The following RAPGEF2 variants were observed in gnomAD, a reference collection of about 807,000 sequenced individuals.
RAPGEF2 encodes the protein Rap guanine nucleotide exchange factor 2, also known as PDZ domain containing guanine nucleotide exchange factor (GEF) 1.
Under a neutral mutation model 186.7 loss-of-function variants are expected in RAPGEF2, and 54 were observed. That is an observed-to-expected ratio of 0.29 (90% CI 0.23 to 0.36). The LOEUF is 0.36. RAPGEF2 is among the 10% of genes least tolerant of loss of function. RAPGEF2 has a pLI of 1.00. For missense variants in RAPGEF2, 1,532 were observed against 2,045.0 expected (o/e 0.75, Z 4.84); for synonymous variants, 712 against 705.9 (o/e 1.01, Z -0.14).
chr4:159,244,295 A>T (rs1754353682), intron 7 of RAPGEF2, among the ~76,000 whole-genome samples: 1 of 151,900 alleles, frequency 6.6e-6, no homozygotes, highest in Admixed American at 6.6e-5. Context: ...AAGGTTGGTC[A>T]AAAAGGAAAC....
intron 7 of RAPGEF2, among the ~76,000 whole-genome samples, chr4:159,287,929 A>T (rs987184463): frequency 1.3e-5 from 2 of 152,196 alleles, no homozygotes; most frequent in Non-Finnish European, 2.9e-5. Context: ...TGCTTTATAC[A>T]AAAACTTGTA....
At chr4:159,132,882 G>GT (rs199633780) in intron 1 of RAPGEF2, among the ~76,000 whole-genome samples, 2,379 of 140,374 alleles carry the variant, frequency 0.017, 31 homozygotes, top group African/African-American at 0.034. Context: ...TATATACTTA[G>GT]TTTTTTTTTT....
rs1382251508 is a variant in RAPGEF2, at chr4:159,275,043, T to A, written c.544-29299T>A. Among the ~76,000 whole-genome samples the A allele has an allele frequency of 9.4e-5, 13 of 137,688 alleles. No homozygotes were observed. In the East Asian group the frequency reaches 2.6e-3, roughly 27 times the overall value. The allele number at this position is 137,688 out of a possible 152,430, so 90.3% of individuals were successfully genotyped here. ...TAGGCCTTATATGTAGTTATGTTTT[T>A]CTCTGTCTCTCGTGTGTGTGTGTGT... On this transcript the variant is annotated intron_variant, in intron 7 of 29. Coordinates refer to ENST00000691494, the MANE Select transcript of RAPGEF2 (RefSeq NM_001394067.2).
In RAPGEF2 at chr4:159,193,693, C is replaced by T. The variant is rs1261651417; in HGVS notation, c.197+437C>T. Among the ~76,000 whole-genome samples, 6 of 152,110 alleles carry T rather than the reference C, an allele frequency of 3.9e-5. No homozygotes were observed. The East Asian group carries it at 7.7e-4, about 20-fold the overall frequency. ...TGTCTTTGGGTATAATTGCATCTTT[C>T]GATAATATTAATATTCTTTTCAAGA... On this transcript the variant is annotated intron_variant, in intron 3 of 29. Coordinates refer to ENST00000691494, the MANE Select transcript of RAPGEF2 (RefSeq NM_001394067.2).
chr4:159,306,349 C>G (rs1394284878), intron 8 of RAPGEF2, among the ~76,000 whole-genome samples: 1 of 151,978 alleles, frequency 6.6e-6, no homozygotes, highest in African/African-American at 2.4e-5. Flanking sequence ...CTTTCACCTC[C>G]TTGGTCGAAT....
intron 1 of RAPGEF2, among the ~76,000 whole-genome samples, chr4:159,169,273 A>G (rs1043133744): frequency 2.6e-5 from 4 of 152,218 alleles, no homozygotes; most frequent in African/African-American, 4.8e-5. Flanking sequence ...TAAATACTCA[A>G]TTACACGTCA....
intron 3 of RAPGEF2, among the ~76,000 whole-genome samples, chr4:159,201,800 T>C (rs1280340326): frequency 6.6e-6 from 1 of 152,206 alleles, no homozygotes; most frequent in Non-Finnish European, 1.5e-5. Context: ...TTTCTATTTT[T>C]TGGTCATGGG....
At chr4:159,148,105 A>T (rs1272879802) in intron 1 of RAPGEF2, among the ~76,000 whole-genome samples, 1 of 152,196 alleles carries the variant, frequency 6.6e-6, no homozygotes, top group Non-Finnish European at 1.5e-5. Flanking sequence ...GCAAAGATAG[A>T]TTTGATGTTA....
intron 7 of RAPGEF2, among the ~76,000 whole-genome samples, chr4:159,265,574 A>G (rs938362378): frequency 1.1e-4 from 17 of 152,196 alleles, no homozygotes; most frequent in South Asian, 2.1e-4. Context: ...AATCTTGCAG[A>G]TCATGATAAG....
chr4:159,268,072 A>C, intron 7 of RAPGEF2: 1 of 1,493,648 alleles, frequency 6.7e-7, no homozygotes, highest in South Asian at 1.3e-5. Context: ...TTTTTCTTTT[A>C]ATTTAATGCT....
intron 3 of RAPGEF2, among the ~76,000 whole-genome samples, chr4:159,194,848 A>G (rs1021149418): frequency 6.6e-6 from 1 of 152,182 alleles, no homozygotes; most frequent in Non-Finnish European, 1.5e-5. Context: ...CTGTTCCCTC[A>G]AAGGTAATAC....
chr4:159,144,231 TATC>T (rs1213206859), intron 1 of RAPGEF2, among the ~76,000 whole-genome samples: 1 of 152,232 alleles, frequency 6.6e-6, no homozygotes, highest in Non-Finnish European at 1.5e-5. Flanking sequence ...ATCCTTCACA[TATC>T]ATTCTGCAAC....
Position 159,355,877 on chromosome 4 carries a change from A to AGCCCGC in RAPGEF2, c.4680_4681insGCGCCC (p.Pro1560_Pro1561insAlaPro). 1 of 1,546,300 alleles carries AGCCCGC rather than the reference A, an allele frequency of 6.5e-7. No individual in the cohort carries two copies. The stretch of plus-strand genomic sequence containing the variant: ...GCACGAAAGGAGGGCAGGTATCGAG[A>AGCCCGC]GCCCCCGCCCACCCCTCCCGGCTAC... On this transcript the variant is annotated inframe_insertion, in exon 29 of 30. Transcript: ENST00000691494.
chr4:159,113,728 G>A (rs1738746197), intron 1 of RAPGEF2, among the ~76,000 whole-genome samples: 3 of 129,266 alleles, frequency 2.3e-5, no homozygotes, highest in Non-Finnish European at 4.7e-5. Flanking sequence ...GGTGACGGAT[G>A]AGACTCTGTC....
chr4:159,235,804 C>A (rs988296787), intron 4 of RAPGEF2, among the ~76,000 whole-genome samples: 8 of 152,180 alleles, frequency 5.3e-5, no homozygotes, highest in African/African-American at 1.9e-4. Flanking sequence ...TTCAAAGAAT[C>A]AGAGAGCAGA....
intron 11 of RAPGEF2, among the ~76,000 whole-genome samples, chr4:159,323,827 C>T (rs536056595): frequency 2.6e-5 from 4 of 151,102 alleles, no homozygotes; most frequent in Non-Finnish European, 4.4e-5. Context: ...CTAGTGATTC[C>T]CCTGCCTCAG....
At chr4:159,329,494 A>G (rs1766370815) in intron 11 of RAPGEF2, 1 of 154,160 alleles carries the variant, frequency 6.5e-6, no homozygotes, top group African/African-American at 2.4e-5. Flanking sequence ...TTAATTCACT[A>G]GATGATAATT....
chr4:159,358,825 G>A lies in RAPGEF2; in HGVS notation c.*686G>A, dbSNP rs919089904. 2 of 152,162 alleles carry A rather than the reference G, an allele frequency of 1.3e-5. No homozygotes were observed. Among genetic ancestry groups the A allele is most frequent in the African/African-American group, 4.8e-5 (2 of 41,436 alleles). The allele number at this position is 152,162 out of a possible 1,614,324, so 9.4% of individuals were successfully genotyped here. A position where few individuals can be genotyped will look rare whatever the true frequency, so the allele number is the denominator to read the frequency against. Reference sequence around the variant, plus strand: ...CAGGGTGTGGCCACACCAAGAAGACGGGAAGACCTGGCTTGTGACCCTGGC... The same window carrying A: ...CAGGGTGTGGCCACACCAAGAAGACAGGAAGACCTGGCTTGTGACCCTGGC... On this transcript the variant is annotated 3_prime_UTR_variant, in exon 30 of 30. Coordinates refer to ENST00000691494, the MANE Select transcript of RAPGEF2 (RefSeq NM_001394067.2).
At chr4:159,113,771 T>C (rs1738755906) in intron 1 of RAPGEF2, among the ~76,000 whole-genome samples, 1 of 151,822 alleles carries the variant, frequency 6.6e-6, no homozygotes, top group South Asian at 2.1e-4. Flanking sequence ...AGTATCTTTT[T>C]TTCCAGTTTA....
Sources: allele counts gnomAD v4.1 joint callset (sites outside exome capture counted in the v4.1 genomes callset), GRCh38; gene constraint gnomAD v4.1.1; transcripts MANE v1.5; gene names NCBI Gene and HGNC (gene_info 2026-07-23, HGNC 2026-07-21).